Variants in STRN3 observed in about 807,000 individuals in gnomAD.
STRN3 encodes striatin 3.
Under a neutral mutation model 95.6 loss-of-function variants are expected in STRN3, and 29 were observed. The ratio of observed to expected loss-of-function variants is 0.30; its 90% CI spans 0.23 to 0.41. The LOEUF is 0.41. STRN3 is among the 10% of genes least tolerant of loss of function. STRN3 has a pLI of 1.00. For missense variants in STRN3, 890 were observed against 972.1 expected, an observed-to-expected ratio of 0.92 and a Z score of 1.12; for synonymous variants, 331 against 357.6, an observed-to-expected ratio of 0.93 and a Z score of 0.84.
chr14:30,929,967 A>AAAAAAC (rs1878429462), intron 7 of STRN3, among the ~76,000 whole-genome samples: 3 of 91,122 alleles, frequency 3.3e-5, no homozygotes, highest in East Asian at 3.2e-4. Context: ...AAAAAAAAAA[A>AAAAAAC]AAAAAAAAAA....
In STRN3 at chr14:31,026,092, G is replaced by A. The variant is rs1361232731; in HGVS notation, c.94C>T (p.Pro32Ser). ...CCGCCCGCCGCTCCGTTCCCCCCGG[G>A]CGAAAGGCCCAGGTTCCCCCCAGGT... ...QGPGGNLGLS[P>S]GGNGAAGGGG... The change falls in exon 1 of 18, where the codon CCC (proline) becomes TCC (serine). Residue 32 changes from proline (P) to serine (S), a missense_variant. Coordinates refer to ENST00000357479, the MANE Select transcript of STRN3 (RefSeq NM_001083893.2). The A allele has an allele frequency of 6.5e-7, 1 of 1,528,570 alleles. No individual in the cohort carries two copies. The allele number at this position is 1,528,570 out of a possible 1,614,324, so 94.7% of individuals were successfully genotyped here. A position where few individuals can be genotyped will look rare whatever the true frequency, so the allele number is the denominator to read the frequency against.
chr14:30,934,363 C>T (rs1298481017), intron 7 of STRN3, among the ~76,000 whole-genome samples: 1 of 152,030 alleles, frequency 6.6e-6, no homozygotes, highest in Non-Finnish European at 1.5e-5. Context: ...CAACCTTCTC[C>T]AATATAGCTC....
At chr14:30,984,266 TAAA>T (rs755650146) in intron 1 of STRN3, among the ~76,000 whole-genome samples, 39,813 of 87,432 alleles carry the variant, frequency 0.46, 8,470 homozygotes, top group East Asian at 0.5. Flanking sequence ...TGAGGAATTC[TAAA>T]AAAAAAAAAA....
At chr14:31,011,724 A>G (rs1443446892) in intron 1 of STRN3, among the ~76,000 whole-genome samples, 1 of 152,206 alleles carries the variant, frequency 6.6e-6, no homozygotes, top group Non-Finnish European at 1.5e-5. Context: ...TAAAATAGAA[A>G]GATTCATAAA....
intron 16 of STRN3, among the ~76,000 whole-genome samples, chr14:30,901,985 T>C (rs1222009370): frequency 6.6e-6 from 1 of 151,538 alleles, no homozygotes; most frequent in Non-Finnish European, 1.5e-5. Context: ...CTGACCAACA[T>C]GGAGAAACCC....
chr14:30,981,744 T>C (rs9671708), intron 1 of STRN3, among the ~76,000 whole-genome samples: 151,802 of 152,330 alleles, frequency 1, 75,644 homozygotes, highest in Middle Eastern at 1. Flanking sequence ...ACAAAAAACT[T>C]GCTTGCAAGA....
intron 1 of STRN3, among the ~76,000 whole-genome samples, chr14:30,966,992 G>A (rs1880546540): frequency 6.6e-6 from 1 of 151,924 alleles, no homozygotes; most frequent in Non-Finnish European, 1.5e-5. Flanking sequence ...CTGGTTTGAG[G>A]GATTGAGCCT....
chr14:30,934,329 T>C (rs1878710830), intron 7 of STRN3, among the ~76,000 whole-genome samples: 1 of 151,730 alleles, frequency 6.6e-6, no homozygotes, highest in Non-Finnish European at 1.5e-5. Context: ...TCTCAAAAAA[T>C]AATAATAATA....
intron 1 of STRN3, among the ~76,000 whole-genome samples, chr14:31,011,093 T>C (rs563895324): frequency 1.1e-4 from 16 of 152,300 alleles, no homozygotes; most frequent in African/African-American, 3.4e-4. Flanking sequence ...CCATTTCCCA[T>C]GACAGGGAGG....
chr14:30,988,898 T>C (rs1881816767), intron 1 of STRN3, among the ~76,000 whole-genome samples: 1 of 152,214 alleles, frequency 6.6e-6, no homozygotes, highest in Non-Finnish European at 1.5e-5. Flanking sequence ...CCACTTCCAA[T>C]AATGAATTAT....
At chr14:30,974,607 CAA>C (rs34613702) in intron 1 of STRN3, among the ~76,000 whole-genome samples, 2 of 120,678 alleles carry the variant, frequency 1.7e-5, no homozygotes, top group Non-Finnish European at 3.3e-5. Flanking sequence ...AGCATAACTA[CAA>C]AAAAAAAAAA....
rs1457825549 is a variant in STRN3 at position 30,957,756 on chromosome 14, TGAAA to T, written c.283-1518_283-1515del. On this transcript the variant is annotated intron_variant, in intron 1 of 17. Transcript: ENST00000357479. ...ACCACCTCACACTAAAGAATAATGT[TGAAA>T]GAGACTGGCATCTGTCTGGGGACAT... 3.3e-5 allele frequency among the ~76,000 whole-genome samples: 5 copies of T among 152,290 alleles called. No individual in the cohort carries two copies. The East Asian group carries it at 9.7e-4, about 29-fold the overall frequency.
At chr14:30,930,639 AC>A (rs776291886) in intron 7 of STRN3, among the ~76,000 whole-genome samples, 35 of 152,242 alleles carry the variant, frequency 2.3e-4, no homozygotes, top group Admixed American at 5.9e-4. Flanking sequence ...TAAAACTTAC[AC>A]CTAAGATTAT....
chr14:30,964,018 G>T (rs1163050747), intron 1 of STRN3, among the ~76,000 whole-genome samples: 1 of 152,174 alleles, frequency 6.6e-6, no homozygotes, highest in East Asian at 1.9e-4. Context: ...TTGAGAGGCT[G>T]AGGCAGGCGG....
chr14:30,956,451 T>C (rs1422099101), intron 1 of STRN3, among the ~76,000 whole-genome samples: 2 of 152,184 alleles, frequency 1.3e-5, no homozygotes, highest in Non-Finnish European at 2.9e-5. Context: ...CAAGGAGTTT[T>C]AGACCAGCCT....
intron 1 of STRN3, among the ~76,000 whole-genome samples, chr14:30,965,553 C>T (rs896180682): frequency 3.9e-5 from 6 of 151,930 alleles, no homozygotes; most frequent in African/African-American, 1.5e-4. Flanking sequence ...GGAGCGATGG[C>T]TCACGCCTGT....
At chr14:30,953,983 C>T (rs1413112483) in intron 3 of STRN3, among the ~76,000 whole-genome samples, 1 of 152,062 alleles carries the variant, frequency 6.6e-6, no homozygotes, top group Non-Finnish European at 1.5e-5. Flanking sequence ...ACTTTCAGAG[C>T]AGCATTATCA....
intron 1 of STRN3, among the ~76,000 whole-genome samples, chr14:30,983,985 G>C (rs901757907): frequency 1.3e-5 from 2 of 151,916 alleles, no homozygotes; most frequent in South Asian, 2.1e-4. Context: ...CTGAGAGGCA[G>C]GTACTAGGTT....
intron 1 of STRN3, among the ~76,000 whole-genome samples, chr14:31,024,904 C>T (rs1309683653): frequency 2.0e-5 from 3 of 152,146 alleles, no homozygotes; most frequent in Non-Finnish European, 2.9e-5. Flanking sequence ...TTAAATAACC[C>T]TTTCAAAAAG....
Sources: allele counts gnomAD v4.1 joint callset (sites outside exome capture counted in the v4.1 genomes callset), GRCh38; gene constraint gnomAD v4.1.1; transcripts MANE v1.5; gene names NCBI Gene and HGNC (gene_info 2026-07-23, HGNC 2026-07-21).